ZNF727: variants seen among roughly 807,000 people sequenced by gnomAD.
ZNF727 encodes putative zinc finger protein 727.
In ZNF727, 11 loss-of-function variants were observed where a neutral mutation model predicts 11.5. The ratio of observed to expected loss-of-function variants is 0.95; its 90% CI spans 0.60 to 1.58. The LOEUF is 1.58. ZNF727 is among the 40% of genes most tolerant of loss of function. ZNF727 has a pLI of 0.00. For synonymous variants in ZNF727, 171 were observed against 196.1 expected, an observed-to-expected ratio of 0.87 and a Z score of 1.07; for missense variants, 533 against 581.7, an observed-to-expected ratio of 0.92 and a Z score of 0.86.
At chr7:64,062,423 T>C (rs1789785972) in intron 1 of ZNF727, among the ~76,000 whole-genome samples, 1 of 151,894 alleles carries the variant, frequency 6.6e-6, no homozygotes, top group Non-Finnish European at 1.5e-5. Flanking sequence ...TTGAAGGATA[T>C]TTTTGCTGGA....
At chr7:64,063,597 C>G (rs193044196) in intron 1 of ZNF727, among the ~76,000 whole-genome samples, 145 of 147,248 alleles carry the variant, frequency 9.8e-4, no homozygotes, top group Middle Eastern at 3.5e-3. Flanking sequence ...ACAGGACTGG[C>G]TCTCACATAA....
intron 1 of ZNF727, among the ~76,000 whole-genome samples, chr7:64,061,061 C>T (rs1205976222): frequency 6.6e-6 from 1 of 152,002 alleles, no homozygotes; most frequent in Non-Finnish European, 1.5e-5. Context: ...TTGGGGAGAG[C>T]TTATTTTAAG....
In ZNF727 at chr7:64,081,281, A is replaced by T. The variant is rs1490391729; in HGVS notation, c.*2732A>T. On this transcript the variant is annotated 3_prime_UTR_variant, in exon 4 of 4. Transcript: ENST00000456806. ...CCTTCTCTGTGCCCCCCAAGAAGGA[A>T]TGATTGTTCAGAGTGTGGGAGGATA... is the stretch of plus-strand genomic sequence containing the variant. 1.3e-5 allele frequency among the ~76,000 whole-genome samples: 2 copies of T among 151,972 alleles called. No homozygotes were observed. Among genetic ancestry groups the T allele is most frequent in the East Asian group, 3.9e-4 (2 of 5,158 alleles).
chr7:64,081,429 T>A lies in ZNF727; in HGVS notation c.*2880T>A, dbSNP rs2861511. 6.6e-6 allele frequency among the ~76,000 whole-genome samples: 1 copy of A among 151,828 alleles called. No homozygotes were observed. Among genetic ancestry groups the A allele is most frequent in the East Asian group, 1.9e-4 (1 of 5,134 alleles). ...GCAGGGGCATACTACATTTCCATTT[T>A]CTGGTGGGGCAAGCAAAGCCAAACT... On this transcript the variant is annotated 3_prime_UTR_variant, in exon 4 of 4. Coordinates refer to ENST00000456806, the MANE Select transcript of ZNF727 (RefSeq NM_001159522.3).
chr7:64,080,739 T>A lies in ZNF727; in HGVS notation c.*2190T>A, dbSNP rs1241816323. ...ATTTTTGCACTGATTTTGTCTCATC[T>A]TTGTGGGCGTATCTTTAAAGTTGCT... On this transcript the variant is annotated 3_prime_UTR_variant, in exon 4 of 4. Transcript: ENST00000456806. Among the ~76,000 whole-genome samples, 1 of 152,196 alleles carries A rather than the reference T, an allele frequency of 6.6e-6. No homozygotes were observed. Among genetic ancestry groups the A allele is most frequent in the Non-Finnish European group, 1.5e-5 (1 of 68,038 alleles).
chr7:64,066,593 C>T (rs1159677591), intron 1 of ZNF727, among the ~76,000 whole-genome samples: 3 of 151,976 alleles, frequency 2.0e-5, no homozygotes, highest in South Asian at 4.2e-4. Context: ...AAAACTGTCT[C>T]GCCATATGCA....
chr7:64,067,022 C>T (rs1215802020), intron 1 of ZNF727, among the ~76,000 whole-genome samples: 1 of 151,978 alleles, frequency 6.6e-6, no homozygotes, highest in Non-Finnish European at 1.5e-5. Flanking sequence ...GGCTAATATC[C>T]AGAATCTGCA....
chr7:64,056,360 A>G (rs1789686711), intron 1 of ZNF727, among the ~76,000 whole-genome samples: 1 of 152,326 alleles, frequency 6.6e-6, no homozygotes, highest in South Asian at 2.1e-4. Flanking sequence ...CAGTGTGAGC[A>G]GGAGTGAAGA....
chr7:64,083,161 G>A lies in ZNF727; in HGVS notation c.*4612G>A, dbSNP rs113121869. ...TGAGGAGGAATGAGATTGGGGACCTGCTTTAACAGACAGTCTGGCCATGTC... is the reference window on the plus strand; with the variant it reads ...TGAGGAGGAATGAGATTGGGGACCTACTTTAACAGACAGTCTGGCCATGTC... On this transcript the variant is annotated 3_prime_UTR_variant, in exon 4 of 4. Transcript: ENST00000456806. Among the ~76,000 whole-genome samples, 2 of 152,340 alleles carry A rather than the reference G, an allele frequency of 1.3e-5. No homozygotes were observed. Among genetic ancestry groups the A allele is most frequent in the African/African-American group, 4.8e-5 (2 of 41,586 alleles).
chr7:64,080,891 TG>T lies in ZNF727; in HGVS notation c.*2343del, dbSNP rs1212974177. On this transcript the variant is annotated 3_prime_UTR_variant, in exon 4 of 4. Transcript: ENST00000456806. ...TTTTTTGTTTTTTGTTTTTTGTTTTTGTTTTTTTTTTTGTGGTGGTGGAGGG... is the reference window on the plus strand; with the variant it reads ...TTTTTTGTTTTTTGTTTTTTGTTTTTTTTTTTTTTTTGTGGTGGTGGAGGG... 1.3e-5 allele frequency among the ~76,000 whole-genome samples: 2 copies of T among 149,248 alleles called. No individual in the cohort carries two copies. The highest frequency in any genetic ancestry group is 2.5e-5 in the African/African-American group (1 of 40,064).
chr7:64,070,918 T>G (rs966630821), intron 3 of ZNF727, among the ~76,000 whole-genome samples: 53 of 152,090 alleles, frequency 3.5e-4, no homozygotes, highest in African/African-American at 1.2e-3. Context: ...TAACGTCATC[T>G]AGGTCCACCC....
Position 64,045,435 on chromosome 7 carries a change from G to A in ZNF727, c.-187G>A. ...GTGCGCAGCTAGAGAGGAAGAGGCG[G>A]GCTCTTCAATATGGCAAGGCCTTCG... On this transcript the variant is annotated 5_prime_UTR_variant, in exon 1 of 4. Coordinates refer to ENST00000456806, the MANE Select transcript of ZNF727 (RefSeq NM_001159522.3). The A allele has an allele frequency of 1.3e-6, 1 of 786,562 alleles. No homozygotes were observed. Among genetic ancestry groups the A allele is most frequent in the Non-Finnish European group, 2.2e-6 (1 of 462,622 alleles). The allele number at this position is 786,562 out of a possible 1,614,324, so 48.7% of individuals were successfully genotyped here.
chr7:64,052,271 T>G (rs1789610657), intron 1 of ZNF727, among the ~76,000 whole-genome samples: 1 of 152,134 alleles, frequency 6.6e-6, no homozygotes, highest in African/African-American at 2.4e-5. Context: ...GACCCTGTGA[T>G]ACTGGTACAC....
At chr7:64,070,243 T>TGGC (rs1789939869) in intron 3 of ZNF727, among the ~76,000 whole-genome samples, 1 of 152,092 alleles carries the variant, frequency 6.6e-6, no homozygotes, top group Non-Finnish European at 1.5e-5. Context: ...AAACAAATGT[T>TGGC]GGCAAATGTG....
intron 3 of ZNF727, among the ~76,000 whole-genome samples, chr7:64,075,338 G>A (rs1790023702): frequency 6.6e-6 from 1 of 151,978 alleles, no homozygotes. Context: ...AATATGTCCA[G>A]TATTATTTAA....
chr7:64,071,750 TAATTTTAA>T (rs1789965598), intron 3 of ZNF727, among the ~76,000 whole-genome samples: 1 of 152,124 alleles, frequency 6.6e-6, no homozygotes, highest in Non-Finnish European at 1.5e-5. Context: ...TATATTTAGT[TAATTTTAA>T]ATACAGTGTA....
In ZNF727 at chr7:64,079,678, A is replaced by G. The variant is rs7800540; in HGVS notation, c.*1129A>G. On this transcript the variant is annotated 3_prime_UTR_variant, in exon 4 of 4. Transcript: ENST00000456806. ...ATGTACATTTAAGGTTTGTATTCAT[A>G]TGTGTGGATTTGATTCTGTCATGAT... is the stretch of plus-strand genomic sequence containing the variant. Among the ~76,000 whole-genome samples, 94,499 of 152,010 alleles carry G rather than the reference A, an allele frequency of 0.62. 30,061 individuals carry two copies. Among genetic ancestry groups the G allele is most frequent in the Non-Finnish European group, 0.68 (46,497 of 67,970 alleles).
rs145902543 is a variant in ZNF727, at chr7:64,050,578, T to G, written c.3+4954T>G. ...GAAGAATTAATTCTAGATGAGACAGTTTGAGATTTTGTTTTCCAAACAGCC... is the reference window on the plus strand; with the variant it reads ...GAAGAATTAATTCTAGATGAGACAGGTTGAGATTTTGTTTTCCAAACAGCC... On this transcript the variant is annotated intron_variant, in intron 1 of 3. Coordinates refer to ENST00000456806, the MANE Select transcript of ZNF727 (RefSeq NM_001159522.3). Among the ~76,000 whole-genome samples the G allele has an allele frequency of 4.3e-3, 654 of 152,272 alleles. 4 individuals carry two copies. The highest frequency in any genetic ancestry group is 0.015 in the African/African-American group (621 of 41,552).
intron 1 of ZNF727, among the ~76,000 whole-genome samples, chr7:64,047,734 G>A (rs1373603977): frequency 8.7e-6 from 1 of 115,420 alleles, no homozygotes; most frequent in Non-Finnish European, 1.9e-5. Flanking sequence ...AAAGCTAACT[G>A]CTTTAACATT....
Sources: allele counts gnomAD v4.1 joint callset (sites outside exome capture counted in the v4.1 genomes callset), GRCh38; gene constraint gnomAD v4.1.1; transcripts MANE v1.5; gene names NCBI Gene and HGNC (gene_info 2026-07-23, HGNC 2026-07-21).